The following ELN variants were observed in gnomAD, a reference collection of about 807,000 sequenced individuals.
ELN encodes tropoelastin.
Under a neutral mutation model 105.8 loss-of-function variants are expected in ELN, and 65 were observed. The observed-to-expected ratio is 0.61, with a 90% CI of 0.50 to 0.75. The LOEUF (loss-of-function observed/expected upper bound fraction) is 0.75, where lower values mean the gene tolerates loss of function less well. Ranked by LOEUF, ELN falls within the 30% of genes least tolerant of loss-of-function variation. The pLI is 0.00. For synonymous variants in ELN, 368 were observed against 389.2 expected (o/e 0.95, Z 0.64); for missense variants, 882 against 969.4 (o/e 0.91, Z 1.20).
intron 21 of ELN, chr7:74,057,286 G>A: frequency 2.0e-6 from 2 of 978,416 alleles, no homozygotes; most frequent in Non-Finnish European, 2.8e-6. Context: ...GTGCCAGGAA[G>A]CCATTCTCTT....
intron 4 of ELN, 77 bp downstream of exon 4, chr7:74,037,816 G>C: frequency 3.2e-6 from 5 of 1,571,946 alleles, no homozygotes; most frequent in Non-Finnish European, 4.3e-6. Context: ...CTGGGAATGG[G>C]ACAAGGAAAC....
Position 74,051,831 on chromosome 7 carries a change from G to C in ELN, c.881G>C (p.Gly294Ala). The C allele has an allele frequency of 6.2e-7, 1 of 1,614,230 alleles. No homozygotes were observed. Among genetic ancestry groups the C allele is most frequent in the Non-Finnish European group, 8.5e-7 (1 of 1,180,036 alleles). The change falls in exon 16 of 33, where the codon GGC becomes GCC. Residue 294 changes from glycine (G) to alanine (A), a missense_variant. Gly to Ala is a moderately conservative substitution (Grantham distance 60). Coordinates refer to ENST00000252034, the MANE Select transcript of ELN (RefSeq NM_000501.4). ...GVPGAIPGIG[G>A]IAGVGTPAAA... ...CCTGGGGCAATTCCTGGAATTGGAG[G>C]CATCGCAGGTAACATCTGTCCCAGC...
intron 22 of ELN, among the ~76,000 whole-genome samples, chr7:74,058,298 CCTT>C (rs1304445582): frequency 2.2e-5 from 3 of 136,258 alleles, no homozygotes; most frequent in East Asian, 2.2e-4. Context: ...TCTTTCTCCT[CCTT>C]CTTCTCTTCT....
At chr7:74,053,538 T>C (rs1794580846) in intron 18 of ELN, among the ~76,000 whole-genome samples, 1 of 152,178 alleles carries the variant, frequency 6.6e-6, no homozygotes, top group Non-Finnish European at 1.5e-5. Context: ...TGGCTATCAG[T>C]GTTCTCTGGG....
At chr7:74,057,471 G>A (rs984244102) in intron 21 of ELN, 169 bp from the exon 22 acceptor site, 1 of 1,560,004 alleles carries the variant, frequency 6.4e-7, no homozygotes, top group African/African-American at 1.4e-5. Flanking sequence ...AGTGCCAGGT[G>A]AGCTGTGTCT....
chr7:74,052,302 G>A (rs2131872298), intron 17 of ELN: 1 of 440,886 alleles, frequency 2.3e-6, no homozygotes, highest in South Asian at 2.2e-5. Flanking sequence ...CTGTGCTTTA[G>A]GAATAGATCA....
Position 74,068,802 on chromosome 7 carries a change from C to A in ELN, c.*102C>A. 1 of 1,447,132 alleles carries A rather than the reference C, an allele frequency of 6.9e-7. No homozygotes were observed. Among genetic ancestry groups the A allele is most frequent in the Non-Finnish European group, 9.7e-7 (1 of 1,030,404 alleles). The allele number at this position is 1,447,132 out of a possible 1,614,324, so 89.6% of individuals were successfully genotyped here. ...CCCCATCCCATGCCCCTCCGACTCC[C>A]CACCCCAGGAGGGAACGGGCAGGCC... On this transcript the variant is annotated 3_prime_UTR_variant, in exon 33 of 33. Coordinates refer to ENST00000252034, the MANE Select transcript of ELN (RefSeq NM_000501.4).
In ELN at chr7:74,056,183, C is replaced by A. The variant is rs536072388; in HGVS notation, c.1151-88C>A. On this transcript the variant is annotated intron_variant, in intron 19 of 32. Transcript: ENST00000252034. ...GACAAGGCCTGGGGGAAATTTACAT[C>A]CTCTTTCCCAATCCATCAGCATCCC... is the stretch of plus-strand genomic sequence containing the variant. 3.0e-4 allele frequency: 467 copies of A among 1,551,336 alleles called. 2 individuals carry two copies. The highest frequency in any genetic ancestry group is 4.0e-4 in the Non-Finnish European group (448 of 1,123,132).
At chr7:74,061,068 C>T (rs1554684153) in intron 25 of ELN, 33 bp from the exon 26 acceptor site, 1 of 1,614,068 alleles carries the variant, frequency 6.2e-7, no homozygotes, top group Non-Finnish European at 8.5e-7. Context: ...GAGCTCGGCT[C>T]CTGACCACTC....
rs1554687183 is a variant in ELN, at chr7:74,063,974, G to C, written c.1993+279G>C. 6.6e-6 allele frequency among the ~76,000 whole-genome samples: 1 copy of C among 151,922 alleles called. No homozygotes were observed. The highest frequency in any genetic ancestry group is 2.4e-5 in the African/African-American group (1 of 41,314). On this transcript the variant is annotated intron_variant, in intron 29 of 32. Coordinates refer to ENST00000252034, the MANE Select transcript of ELN (RefSeq NM_000501.4). This position sits in a 1 kb window ranked among gnomAD's most constrained non-coding sequence, Gnocchi z 4.1. ...AAAAATAAGCCGGGCGTGGTGGTGG[G>C]CACCTGTATTTCCAGCTACTTGAGA...
At position 74,063,892 on chromosome 7, in the gene ELN, G is replaced by C. The variant is rs1797298185; in HGVS notation, c.1993+197G>C. 6.6e-6 allele frequency among the ~76,000 whole-genome samples: 1 copy of C among 152,098 alleles called. No homozygotes were observed. Among genetic ancestry groups the C allele is most frequent in the Non-Finnish European group, 1.5e-5 (1 of 67,988 alleles). ...CCAAGGTGGGCGGATCACTAGAGGTGAGGAGTTTGAGACCAGCCTGGGTGA... is the reference window on the plus strand; with the variant it reads ...CCAAGGTGGGCGGATCACTAGAGGTCAGGAGTTTGAGACCAGCCTGGGTGA... On this transcript the variant is annotated intron_variant, in intron 29 of 32. Coordinates refer to ENST00000252034, the MANE Select transcript of ELN (RefSeq NM_000501.4). This position sits in a 1 kb window ranked among gnomAD's most constrained non-coding sequence, Gnocchi z 4.1.
In ELN at chr7:74,066,796, C is replaced by T. The variant is rs1798058082; in HGVS notation, c.2131+20C>T. 6.2e-7 allele frequency: 1 copy of T among 1,612,600 alleles called. No individual in the cohort carries two copies. Among genetic ancestry groups the T allele is most frequent in the African/African-American group, 1.3e-5 (1 of 74,838 alleles). ...TCCCAGGTATGCCAGGCTCCCTGCCCCTGGGCCCTGCCCTGGAGCTGCAGC... is the reference window on the plus strand; with the variant it reads ...TCCCAGGTATGCCAGGCTCCCTGCCTCTGGGCCCTGCCCTGGAGCTGCAGC... On this transcript the variant is annotated intron_variant, in intron 32 of 32. Coordinates refer to ENST00000252034, the MANE Select transcript of ELN (RefSeq NM_000501.4).
At chr7:74,044,576 G>T (rs56012896) in intron 9 of ELN, among the ~76,000 whole-genome samples, 96 of 152,294 alleles carry the variant, frequency 6.3e-4, no homozygotes, top group African/African-American at 2.3e-3. Flanking sequence ...AGTCTGCCCT[G>T]CAGGAGACCC....
At chr7:74,045,723 A>T (rs1792309268) in intron 10 of ELN, 1 of 309,626 alleles carries the variant, frequency 3.2e-6, no homozygotes, top group South Asian at 3.2e-5. Context: ...AGCCTGGGCA[A>T]CAGAGACCCC....
intron 12 of ELN, 87 bp downstream of exon 12, chr7:74,046,854 C>T (rs1204027001): frequency 6.1e-6 from 9 of 1,467,286 alleles, no homozygotes; most frequent in Admixed American, 1.8e-5. Flanking sequence ...GAGGCTAAGG[C>T]GGGCAGATCA....
At chr7:74,050,135 A>G (rs1793679058) in intron 15 of ELN, among the ~76,000 whole-genome samples, 2 of 135,494 alleles carry the variant, frequency 1.5e-5, no homozygotes, top group Admixed American at 1.6e-4. Context: ...TTCTCCATGC[A>G]TCCTTCCATC....
chr7:74,053,542 C>T (rs1794581458), intron 18 of ELN, among the ~76,000 whole-genome samples: 1 of 152,190 alleles, frequency 6.6e-6, no homozygotes, highest in South Asian at 2.1e-4. Context: ...TATCAGTGTT[C>T]TCTGGGGGGC....
At chr7:74,058,437 C>T (rs1795868899) in intron 22 of ELN, among the ~76,000 whole-genome samples, 1 of 152,016 alleles carries the variant, frequency 6.6e-6, no homozygotes, top group Admixed American at 6.6e-5. Flanking sequence ...TCACTACAGC[C>T]TCAACCTCCC....
chr7:74,068,072 A>C (rs1364905388), intron 32 of ELN, among the ~76,000 whole-genome samples: 3 of 151,986 alleles, frequency 2.0e-5, no homozygotes, highest in Non-Finnish European at 4.4e-5. Flanking sequence ...GGGCCGCGCT[A>C]CTAGACAATG....
Sources: allele counts gnomAD v4.1 joint callset (sites outside exome capture counted in the v4.1 genomes callset), GRCh38; gene constraint gnomAD v4.1.1; non-coding constraint Gnocchi (gnomAD v3.1); transcripts MANE v1.5; gene names NCBI Gene and HGNC (gene_info 2026-07-23, HGNC 2026-07-21).